TPST1: variants seen among roughly 807,000 people sequenced by gnomAD.
TPST1 encodes the protein protein-tyrosine sulfotransferase 1.
Under a neutral mutation model 34.8 loss-of-function variants are expected in TPST1, and 20 were observed. The observed-to-expected ratio is 0.57, with a 90% CI of 0.40 to 0.84. TPST1 has a LOEUF of 0.84. Ranked by LOEUF, TPST1 falls within the 40% of genes least tolerant of loss-of-function variation. The probability of loss-of-function intolerance (pLI) is 0.00; values close to 1 mark genes in which losing one functional copy is unlikely to be tolerated. For missense variants in TPST1, 353 were observed against 455.5 expected, an observed-to-expected ratio of 0.78 and a Z score of 2.05; for synonymous variants, 152 against 159.4, an observed-to-expected ratio of 0.95 and a Z score of 0.35.
intron 3 of TPST1, 108 bp downstream of exon 3, chr7:66,286,817 A>ATTTATTTTTATTTT (rs1791047628): frequency 1.6e-6 from 1 of 640,368 alleles, no homozygotes; most frequent in African/African-American, 2.0e-5. Context: ...AGAAAAATAT[A>ATTTATTTTTATTTT]TTTTTTTTTT....
chr7:66,248,764 C>T (rs1308292929), intron 2 of TPST1, among the ~76,000 whole-genome samples: 1 of 152,120 alleles, frequency 6.6e-6, no homozygotes, highest in African/African-American at 2.4e-5. Context: ...CCGCCTGCCT[C>T]GGCCTCCCAA....
intron 3 of TPST1, among the ~76,000 whole-genome samples, chr7:66,328,886 C>CTCTATATATATA (rs757168858): frequency 1.3e-3 from 28 of 22,088 alleles, no homozygotes; most frequent in Non-Finnish European, 1.4e-3. Flanking sequence ...CTCTCTCTCT[C>CTCTATATATATA]TATATATATA....
chr7:66,207,981 T>TTC (rs1400613047), intron 1 of TPST1, among the ~76,000 whole-genome samples: 2 of 152,082 alleles, frequency 1.3e-5, no homozygotes, highest in East Asian at 1.9e-4. Context: ...TCTTTTTTTT[T>TTC]TCTCTCTCTT....
chr7:66,321,728 C>T (rs1483806382), intron 3 of TPST1, among the ~76,000 whole-genome samples: 1 of 152,218 alleles, frequency 6.6e-6, no homozygotes, highest in Non-Finnish European at 1.5e-5. Context: ...TTCAGTTCTT[C>T]TACTTTGCCA....
intron 2 of TPST1, among the ~76,000 whole-genome samples, chr7:66,242,507 A>G (rs190085066): frequency 4.9e-4 from 74 of 152,322 alleles, no homozygotes; most frequent in African/African-American, 1.7e-3. Context: ...TATTGATTAT[A>G]AGTTATGACA....
At chr7:66,226,106 C>G (rs1789650346) in intron 1 of TPST1, among the ~76,000 whole-genome samples, 1 of 151,992 alleles carries the variant, frequency 6.6e-6, no homozygotes, top group Non-Finnish European at 1.5e-5. Flanking sequence ...CCAGGATGGT[C>G]TCGATCTCCT....
intron 3 of TPST1, among the ~76,000 whole-genome samples, chr7:66,334,453 T>A (rs1381911215): frequency 6.6e-6 from 1 of 151,638 alleles, no homozygotes; most frequent in Non-Finnish European, 1.5e-5. Flanking sequence ...CTGGCCAACA[T>A]GGTGAAACGC....
chr7:66,301,503 A>C (rs1280876831), intron 3 of TPST1, among the ~76,000 whole-genome samples: 4 of 152,244 alleles, frequency 2.6e-5, no homozygotes, highest in African/African-American at 9.6e-5. Flanking sequence ...GGCTTTCAAC[A>C]TACCTTCCTC....
intron 3 of TPST1, among the ~76,000 whole-genome samples, chr7:66,317,116 C>T (rs1027013442): frequency 6.6e-5 from 10 of 152,198 alleles, no homozygotes; most frequent in Admixed American, 3.3e-4. Context: ...CATAAACATG[C>T]GTGGAGCTGG....
chr7:66,282,006 A>T (rs1168953210), intron 2 of TPST1, among the ~76,000 whole-genome samples: 1 of 152,196 alleles, frequency 6.6e-6, no homozygotes, highest in East Asian at 1.9e-4. Flanking sequence ...TGAGTCACAG[A>T]TATCTTGTCT....
At chr7:66,207,344 G>T (rs910137676) in intron 1 of TPST1, among the ~76,000 whole-genome samples, 5 of 152,152 alleles carry the variant, frequency 3.3e-5, no homozygotes, top group Non-Finnish European at 7.3e-5. Context: ...GTGGGCATCA[G>T]CCCTGAACTC....
upstream of TPST1, among the ~76,000 whole-genome samples, chr7:66,204,168 C>T (rs2116170188): frequency 1.3e-5 from 2 of 150,438 alleles, no homozygotes; most frequent in South Asian, 4.2e-4. Flanking sequence ...CAGAGTGAGA[C>T]TCTTCAAAAA....
intron 3 of TPST1, among the ~76,000 whole-genome samples, chr7:66,340,250 C>G (rs962704802): frequency 1.3e-5 from 2 of 151,926 alleles, no homozygotes; most frequent in African/African-American, 4.8e-5. Flanking sequence ...TATCTCAAAC[C>G]ATATATGACA....
chr7:66,215,588 A>C (rs1225485346), intron 1 of TPST1, among the ~76,000 whole-genome samples: 3 of 151,444 alleles, frequency 2.0e-5, no homozygotes, highest in Non-Finnish European at 4.4e-5. Context: ...GTTAGCCAGG[A>C]TGGTCTCGAT....
intron 1 of TPST1, among the ~76,000 whole-genome samples, chr7:66,239,020 T>A (rs1372520908): frequency 6.6e-6 from 1 of 152,250 alleles, no homozygotes; most frequent in Non-Finnish European, 1.5e-5. Flanking sequence ...TCACAGATAC[T>A]TATACATACA....
intron 2 of TPST1, among the ~76,000 whole-genome samples, chr7:66,272,718 C>T (rs1790729599): frequency 6.6e-6 from 1 of 151,988 alleles, no homozygotes. Flanking sequence ...TCCCAAGTAG[C>T]TGGGACTACA....
chr7:66,255,001 G>A (rs1790354524), intron 2 of TPST1, among the ~76,000 whole-genome samples: 1 of 151,976 alleles, frequency 6.6e-6, no homozygotes, highest in Non-Finnish European at 1.5e-5. Flanking sequence ...CAAAAAATTA[G>A]CCGGGCGTGG....
intron 3 of TPST1, among the ~76,000 whole-genome samples, chr7:66,330,329 G>A (rs900630536): frequency 3.3e-5 from 5 of 152,280 alleles, no homozygotes; most frequent in Middle Eastern, 3.4e-3. Flanking sequence ...CAGAATAAGT[G>A]TAGGAAATGT....
intron 3 of TPST1, among the ~76,000 whole-genome samples, chr7:66,322,055 T>C (rs1477104111): frequency 2.6e-5 from 4 of 152,224 alleles, no homozygotes; most frequent in East Asian, 1.9e-4. Context: ...TTTTGAAAAA[T>C]AGAAGTTAAT....
Sources: gnomAD v4.1 joint callset for allele counts (sites outside exome capture counted in the v4.1 genomes callset) on GRCh38, gnomAD v4.1.1 for gene constraint, MANE v1.5 for transcripts, NCBI Gene and HGNC (gene_info 2026-07-23, HGNC 2026-07-21) for gene names.